SNED1: variants seen among roughly 807,000 people sequenced by gnomAD.
The protein encoded by SNED1 is sushi, nidogen and EGF-like domain-containing protein 1.
SNED1 carries 81 observed loss-of-function variants against 166.7 expected under a neutral mutation model. The observed-to-expected ratio is 0.49, with a 90% confidence interval of 0.41 to 0.58. The LOEUF is 0.58. SNED1 is among the 20% of genes least tolerant of loss of function. The probability of loss-of-function intolerance (pLI) is 0.00; values close to 1 mark genes in which losing one functional copy is unlikely to be tolerated. For missense variants in SNED1, 1,604 were observed against 2,000.2 expected, an observed-to-expected ratio of 0.80 and a Z score of 3.78; for synonymous variants, 762 against 822.0, an observed-to-expected ratio of 0.93 and a Z score of 1.25.
At chr2:241,011,380 T>C (rs1195112977) in intron 1 of SNED1, among the ~76,000 whole-genome samples, 1 of 151,886 alleles carries the variant, frequency 6.6e-6, no homozygotes, top group Non-Finnish European at 1.5e-5. Flanking sequence ...ACTGCCAGGC[T>C]GGCCTCAGGC....
intron 30 of SNED1, chr2:241,088,020 G>A (rs747344532): frequency 1.8e-4 from 71 of 392,780 alleles, no homozygotes; most frequent in Non-Finnish European, 2.5e-4. Context: ...GGGCAAGGCC[G>A]CAGCCTGCAG....
intron 16 of SNED1, among the ~76,000 whole-genome samples, chr2:241,054,118 T>C (rs945474829): frequency 1.1e-4 from 13 of 115,976 alleles, no homozygotes; most frequent in African/African-American, 1.7e-4. Flanking sequence ...CATCCCTCCT[T>C]TCCTTCTGGG....
At chr2:241,036,527 T>C (rs1273385172) in intron 4 of SNED1, among the ~76,000 whole-genome samples, 1 of 151,904 alleles carries the variant, frequency 6.6e-6, no homozygotes, top group Non-Finnish European at 1.5e-5. Context: ...GGGGACGGGG[T>C]GCTGGTGTGA....
intron 1 of SNED1, chr2:241,010,072 C>T (rs1302462060): frequency 6.6e-6 from 1 of 152,272 alleles, no homozygotes; most frequent in East Asian, 1.9e-4. Context: ...GCTTCTAAAA[C>T]ACCTCGAGGC....
chr2:241,046,083 A>G (rs2061639076), intron 8 of SNED1, among the ~76,000 whole-genome samples: 1 of 152,254 alleles, frequency 6.6e-6, no homozygotes, highest in African/African-American at 2.4e-5. Flanking sequence ...AATATCAGCC[A>G]TTAGTGAAAT....
chr2:241,051,423 G>A lies in SNED1; in HGVS notation c.1736-321G>A, dbSNP rs532171681. ...GATGGGGAATGCCCGTGTGCAGGAG[G>A]GAGGGAGTGCTGCGCCCGCTGCAGT... On this transcript the variant is annotated intron_variant, in intron 12 of 31. Coordinates refer to ENST00000310397, the MANE Select transcript of SNED1 (RefSeq NM_001080437.3). This position sits in a 1 kb window ranked among gnomAD's most constrained non-coding sequence, Gnocchi z 4.7. 3.2e-5 allele frequency: 9 copies of A among 283,546 alleles called. No homozygotes were observed. The East Asian group carries it at 5.3e-4, about 17-fold the overall frequency. The allele number at this position is 283,546 out of a possible 1,614,324, so 17.6% of individuals were successfully genotyped here.
At position 241,065,543 on chromosome 2, in the gene SNED1, C is replaced by G. The variant is rs775420600; in HGVS notation, c.2958C>G (p.Asn986Lys). The G allele has an allele frequency of 7.4e-6, 12 of 1,612,788 alleles. No homozygotes were observed. Among genetic ancestry groups the G allele is most frequent in the Non-Finnish European group, 9.3e-6 (11 of 1,179,856 alleles). Residue 986 changes from asparagine (N) to lysine (K), a missense_variant, in exon 21 of 32, where the codon AAC (asparagine) becomes AAG (lysine). By Grantham distance (94) the Asn-to-Lys change is moderately conservative. Around this residue, in one of 2 missense-constraint regions of SNED1, gnomAD observed 1,237 missense variants for 1,620.8 expected, o/e 0.76. Transcript: ENST00000310397. ...TCTCCGTCTTCTCAGTGAAGCGAAA[C>G]AGTAACAACAAGAATGACATCAGCA... is the stretch of plus-strand genomic sequence containing the variant. ...YNISVFSVKR[N>K]SNNKNDISRP... is the part of the protein sequence containing the mutation.
intron 16 of SNED1, among the ~76,000 whole-genome samples, chr2:241,062,450 T>C (rs1239195365): frequency 6.6e-6 from 1 of 152,238 alleles, no homozygotes; most frequent in Admixed American, 6.5e-5. Flanking sequence ...GTGACTATTA[T>C]ACATTGAAAT....
intron 1 of SNED1, among the ~76,000 whole-genome samples, chr2:241,025,441 T>G (rs2060930187): frequency 6.6e-6 from 1 of 152,212 alleles, no homozygotes; most frequent in Admixed American, 6.5e-5. Context: ...ACGTTTACTC[T>G]CCTCCTGGGA....
intron 15 of SNED1, 133 bp downstream of exon 15, chr2:241,052,601 A>G (rs2061886991): frequency 1.8e-6 from 1 of 556,012 alleles, no homozygotes; most frequent in Non-Finnish European, 3.3e-6. Flanking sequence ...CAAGCAGGAT[A>G]TATGGGATAC....
intron 15 of SNED1, 87 bp downstream of exon 15, chr2:241,052,555 G>C (rs2061882525): frequency 9.5e-7 from 1 of 1,048,554 alleles, no homozygotes; most frequent in African/African-American, 1.6e-5. Context: ...GGGTACATGG[G>C]ATACCAGTGC....
chr2:241,050,829 G>GT (rs1553570925), intron 12 of SNED1, among the ~76,000 whole-genome samples: 2 of 120,598 alleles, frequency 1.7e-5, no homozygotes, highest in East Asian at 8.7e-4. Flanking sequence ...CTGTACCCAA[G>GT]GTGGGGGTCC....
intron 8 of SNED1, among the ~76,000 whole-genome samples, chr2:241,044,133 A>C (rs531845178): frequency 6.6e-6 from 1 of 152,364 alleles, no homozygotes; most frequent in African/African-American, 2.4e-5. Flanking sequence ...GAAGGCAGGA[A>C]GAGAGGAAAA....
At chr2:241,005,987 T>G (rs1287986019) in intron 1 of SNED1, among the ~76,000 whole-genome samples, 3 of 152,150 alleles carry the variant, frequency 2.0e-5, no homozygotes, top group Admixed American at 6.6e-5. Context: ...TTTTCTGTCC[T>G]TTCTCTCCTC....
intron 4 of SNED1, chr2:241,035,739 G>GAGAGCACC: frequency 6.7e-6 from 1 of 149,822 alleles, no homozygotes; most frequent in Non-Finnish European, 1.5e-5. Flanking sequence ...ATGGGGTGGG[G>GAGAGCACC]GATGAGGGGT....
Position 241,064,178 on chromosome 2 carries a change from CTCTGCCCGCCT to C in SNED1, c.2599+54_2599+64del. The C allele has an allele frequency of 7.9e-7, 1 of 1,267,946 alleles. No individual in the cohort carries two copies. The allele number at this position is 1,267,946 out of a possible 1,614,324, so 78.5% of individuals were successfully genotyped here. On this transcript the variant is annotated intron_variant, in intron 19 of 31. Transcript: ENST00000310397. This position sits in a 1 kb window ranked among gnomAD's most constrained non-coding sequence, Gnocchi z 7.0. Reference sequence around the variant, plus strand: ...GCCCTCTGCCCGCCTGCTCCCCGCCCTCTGCCCGCCTGCTGCCCGCCCTCTGCCCGCCTGCT... The same window carrying C: ...GCCCTCTGCCCGCCTGCTCCCCGCCCGCTGCCCGCCCTCTGCCCGCCTGCT...
Position 241,091,728 on chromosome 2 carries a change from C to T in SNED1, c.*92C>T, listed in dbSNP as rs1457372179. On this transcript the variant is annotated 3_prime_UTR_variant, in exon 32 of 32. Transcript: ENST00000310397. This position sits in a 1 kb window ranked among gnomAD's most constrained non-coding sequence, Gnocchi z 4.1. ...CTAAAAACTGGATGAAAAAGGACAC[C>T]CTGAGAAAAGGTCCTAGCTGGAGTC... The T allele has an allele frequency of 6.6e-6, 1 of 152,280 alleles. No individual in the cohort carries two copies. Among genetic ancestry groups the T allele is most frequent in the Non-Finnish European group, 1.5e-5 (1 of 68,120 alleles). 9.4% of individuals were successfully genotyped at this position (152,280 alleles called of 1,614,324 possible). A position where few individuals can be genotyped will look rare whatever the true frequency, so the allele number is the denominator to read the frequency against.
intron 31 of SNED1, among the ~76,000 whole-genome samples, chr2:241,090,758 T>C (rs1559324292): frequency 6.6e-6 from 1 of 151,566 alleles, no homozygotes; most frequent in East Asian, 1.9e-4. Flanking sequence ...TCTCAGCTAC[T>C]GAAGAGGCTG....
At chr2:241,039,995 GT>G (rs2061479859) in intron 6 of SNED1, 79 bp from the exon 7 acceptor site, 1 of 1,149,278 alleles carries the variant, frequency 8.7e-7, no homozygotes, top group African/African-American at 1.5e-5. Context: ...GTGGGGCTCA[GT>G]GTACGTCCCA....
Sources: allele counts gnomAD v4.1 joint callset (sites outside exome capture counted in the v4.1 genomes callset), GRCh38; gene constraint gnomAD v4.1.1; regional missense constraint gnomAD v4.1.1; non-coding constraint Gnocchi (gnomAD v3.1); transcripts MANE v1.5; gene names NCBI Gene and HGNC (gene_info 2026-07-23, HGNC 2026-07-21).